Variants in RALGPS2 observed in about 807,000 individuals in gnomAD.
RALGPS2 encodes the protein Ral GEF with PH domain and SH3 binding motif 2.
In RALGPS2, 43 loss-of-function variants were observed where a neutral mutation model predicts 86.8. The ratio of observed to expected loss-of-function variants is 0.50; its 90% CI spans 0.39 to 0.64. The LOEUF is 0.64. Among genes scored for constraint, RALGPS2 ranks in the 30% least tolerant of loss-of-function variants. RALGPS2 has a pLI of 0.00. For missense variants in RALGPS2, 536 were observed against 694.6 expected (o/e 0.77, Z 2.57); for synonymous variants, 243 against 231.3 (o/e 1.05, Z -0.46).
At chr1:178,808,224 AAT>A in intron 5 of RALGPS2, 96 bp downstream of exon 5, 1 of 860,114 alleles carries the variant, frequency 1.2e-6, no homozygotes, top group Non-Finnish European at 1.9e-6. Flanking sequence ...TCAGTTCTGG[AAT>A]ATTTTCAGCC....
intron 7 of RALGPS2, among the ~76,000 whole-genome samples, chr1:178,828,026 C>T (rs1355279562): frequency 1.3e-5 from 2 of 152,084 alleles, no homozygotes; most frequent in African/African-American, 4.8e-5. Context: ...AGAAAACACA[C>T]GGGAAAAGCT....
In RALGPS2 at chr1:178,741,715, AC is replaced by A. The variant is rs879567845; in HGVS notation, c.-84+16297del. ...TAAAATGGAATTAGAAACTATACTT[AC>A]TTATTCAGAAGAAAGCATAAAAAGA... On this transcript the variant is annotated intron_variant, in intron 1 of 19. Transcript: ENST00000367635. Among the ~76,000 whole-genome samples, 3 of 152,332 alleles carry A rather than the reference AC, an allele frequency of 2.0e-5. No individual in the cohort carries two copies. In the East Asian group the frequency reaches 5.8e-4, roughly 29 times the overall value.
chr1:178,849,446 G>A (rs1216423736), intron 8 of RALGPS2, among the ~76,000 whole-genome samples: 1 of 152,178 alleles, frequency 6.6e-6, no homozygotes, highest in Non-Finnish European at 1.5e-5. Flanking sequence ...TCAAATTCTA[G>A]TTTTAATGAT....
chr1:178,807,227 T>C (rs73037796), intron 4 of RALGPS2, among the ~76,000 whole-genome samples: 8,011 of 152,162 alleles, frequency 0.053, 736 homozygotes, highest in African/African-American at 0.18. Flanking sequence ...CCCCAGCTAC[T>C]TGGAAGGCTG....
chr1:178,902,999 A>G (rs1309392312), intron 18 of RALGPS2, among the ~76,000 whole-genome samples: 2 of 152,122 alleles, frequency 1.3e-5, no homozygotes, highest in Non-Finnish European at 2.9e-5. Flanking sequence ...ATCACATCAT[A>G]TGTTCTTCTT....
intron 7 of RALGPS2, among the ~76,000 whole-genome samples, chr1:178,831,645 G>A (rs1030608740): frequency 2.6e-5 from 3 of 116,244 alleles, no homozygotes; most frequent in East Asian, 5.7e-4. Flanking sequence ...CACCCCCAGC[G>A]GTTTTTGGAG....
At chr1:178,886,673 C>G (rs1442122990) in intron 13 of RALGPS2, among the ~76,000 whole-genome samples, 1 of 151,824 alleles carries the variant, frequency 6.6e-6, no homozygotes, top group Non-Finnish European at 1.5e-5. Context: ...TTGAGGGTAC[C>G]TAAAGAGAGA....
At chr1:178,775,651 CT>C (rs2102101834) in intron 1 of RALGPS2, among the ~76,000 whole-genome samples, 1 of 152,230 alleles carries the variant, frequency 6.6e-6, no homozygotes, top group South Asian at 2.1e-4. Context: ...GAATATTTGA[CT>C]AGAATTTTGA....
intron 16 of RALGPS2, among the ~76,000 whole-genome samples, chr1:178,894,545 G>C (rs750247828): frequency 1.3e-5 from 2 of 152,076 alleles, no homozygotes; most frequent in Non-Finnish European, 2.9e-5. Flanking sequence ...GCTGGACAAA[G>C]AAAGGGAAGA....
intron 13 of RALGPS2, among the ~76,000 whole-genome samples, chr1:178,886,535 T>G (rs1659491217): frequency 6.6e-6 from 1 of 152,044 alleles, no homozygotes; most frequent in Non-Finnish European, 1.5e-5. Context: ...GGGAATCAGG[T>G]GTGTTTTGGA....
At chr1:178,796,719 C>T (rs1350301585) in intron 4 of RALGPS2, among the ~76,000 whole-genome samples, 1 of 152,100 alleles carries the variant, frequency 6.6e-6, no homozygotes, top group Non-Finnish European at 1.5e-5. Context: ...AACAAACCTA[C>T]AAGATATAAG....
rs1298158218 is a variant in RALGPS2, at chr1:178,880,913, T to A, written c.836+1921T>A. On this transcript the variant is annotated intron_variant, in intron 10 of 19. Transcript: ENST00000367635. ...GAGGTAGTTCTGACATTCTGTAAATTGACATATCATATAATGCCTTCATTT... is the reference window on the plus strand; with the variant it reads ...GAGGTAGTTCTGACATTCTGTAAATAGACATATCATATAATGCCTTCATTT... Among the ~76,000 whole-genome samples the A allele has an allele frequency of 3.9e-5, 6 of 152,314 alleles. No individual in the cohort carries two copies. The East Asian group carries it at 1.2e-3, about 29-fold the overall frequency.
intron 10 of RALGPS2, among the ~76,000 whole-genome samples, chr1:178,882,082 G>A (rs1319819384): frequency 6.6e-6 from 1 of 152,162 alleles, no homozygotes; most frequent in East Asian, 1.9e-4. Flanking sequence ...CTATTATAAT[G>A]TGGTGCTTTG....
chr1:178,877,441 G>A, intron 8 of RALGPS2, 57 bp from the exon 9 acceptor site: 1 of 1,599,364 alleles, frequency 6.3e-7, no homozygotes, highest in South Asian at 1.1e-5. Context: ...CCTTTTCTTT[G>A]TCATAGTCTC....
chr1:178,856,202 G>GAGAGAGAGATATATATATAT (rs1428022812), intron 8 of RALGPS2, among the ~76,000 whole-genome samples: 1 of 83,912 alleles, frequency 1.2e-5, no homozygotes, highest in African/African-American at 6.4e-5. Flanking sequence ...GAGAGAGAGA[G>GAGAGAGAGATATATATATAT]ATATATATAT....
intron 6 of RALGPS2, among the ~76,000 whole-genome samples, chr1:178,820,857 G>A (rs1291113641): frequency 6.6e-6 from 1 of 152,082 alleles, no homozygotes; most frequent in Non-Finnish European, 1.5e-5. Context: ...TCAATTAAAT[G>A]CTGTATCCAC....
At chr1:178,879,228 C>A in intron 10 of RALGPS2, 1 of 363,930 alleles carries the variant, frequency 2.7e-6, no homozygotes, top group Non-Finnish European at 4.5e-6. Flanking sequence ...AGAGAGCTAA[C>A]GTTTGATAGT....
rs549901337 is a variant in RALGPS2 at position 178,793,620 on chromosome 1, G to A, written c.213+8013G>A. Among the ~76,000 whole-genome samples the A allele has an allele frequency of 5.9e-5, 9 of 152,062 alleles. No homozygotes were observed. In the South Asian group the frequency reaches 6.2e-4, roughly 11 times the overall value. ...AGATTGGGGTCTGTCATCCCATTTC[G>A]AGAATATAAATTCCATGTGGGCAGG... On this transcript the variant is annotated intron_variant, in intron 4 of 19. Transcript: ENST00000367635.
chr1:178,771,436 T>C (rs1652808386), intron 1 of RALGPS2, among the ~76,000 whole-genome samples: 1 of 152,212 alleles, frequency 6.6e-6, no homozygotes, highest in Non-Finnish European at 1.5e-5. Context: ...GCTCAACTTC[T>C]TGTCAGTAAT....
Sources: gnomAD v4.1 joint callset for allele counts (sites outside exome capture counted in the v4.1 genomes callset) on GRCh38, gnomAD v4.1.1 for gene constraint, MANE v1.5 for transcripts, NCBI Gene and HGNC (gene_info 2026-07-23, HGNC 2026-07-21) for gene names.